The following MCTS1 variants were observed in gnomAD, a reference collection of about 807,000 sequenced individuals.
The protein encoded by MCTS1 is malignant T-cell-amplified sequence 1.
For synonymous variants in MCTS1, 26 were observed against 40.8 expected, an observed-to-expected ratio of 0.64 and a Z score of 1.38; for missense variants, 55 against 128.6, an observed-to-expected ratio of 0.43 and a Z score of 2.77.
chrX:120,607,331 A>T (rs1234609493), intron 3 of MCTS1, among the ~76,000 whole-genome samples: 4 of 111,918 alleles, frequency 3.6e-5, no homozygotes, highest in Non-Finnish European at 7.5e-5. Context: ...TGTTGAGAAG[A>T]TTACAATTCT....
At position 120,613,156 on chromosome X, in the gene MCTS1, C is replaced by G. The variant is rs147524042; in HGVS notation, c.*892C>G. Among the ~76,000 whole-genome samples, 499 of 110,147 alleles carry G rather than the reference C, an allele frequency of 4.5e-3. 2 individuals carry two copies. The highest frequency in any genetic ancestry group is 0.015 in the African/African-American group (468 of 30,266). On this transcript the variant is annotated 3_prime_UTR_variant, in exon 6 of 6. Transcript: ENST00000371317. ...GGCCAGACTGGTCTTGAACTCTTGG[C>G]CTCAAGTGATCCGTCCCCCTCTGCC...
chrX:120,609,086 ATCT>A (rs1366138319), intron 4 of MCTS1, among the ~76,000 whole-genome samples: 3 of 111,858 alleles, frequency 2.7e-5, no homozygotes, highest in Non-Finnish European at 3.8e-5. Context: ...ACAGGAGAAC[ATCT>A]TCTCCTTTAT....
rs1445346151 is a variant in MCTS1, at chrX:120,612,681, G to GTGTA, written c.*420_*421insATGT. Among the ~76,000 whole-genome samples the GTGTA allele has an allele frequency of 1.0e-3, 65 of 64,835 alleles. No homozygotes were observed. The highest frequency in any genetic ancestry group is 5.3e-3 in the African/African-American group (65 of 12,168). 56.3% of individuals were successfully genotyped at this position (64,835 alleles called of 115,157 possible). On this transcript the variant is annotated 3_prime_UTR_variant, in exon 6 of 6. Coordinates refer to ENST00000371317, the MANE Select transcript of MCTS1 (RefSeq NM_014060.3). Reference sequence around the variant, plus strand: ...TTCTCGTGTGTGTGTGTGTGTGTGTGTGTGTATGTGTGTGTGTGTGTGTGT... The same window carrying GTGTA: ...TTCTCGTGTGTGTGTGTGTGTGTGTGTGTATGTGTATGTGTGTGTGTGTGTGTGT...
Position 120,612,472 on chromosome X carries a change from G to A in MCTS1, c.*208G>A. ...AAACTTGGACATTAAAAGGTATCTG[G>A]TAAGTAAGCAAACTCATACAACTAA... On this transcript the variant is annotated 3_prime_UTR_variant, in exon 6 of 6. Transcript: ENST00000371317. 1 of 360,101 alleles carries A rather than the reference G, an allele frequency of 2.8e-6. No individual in the cohort carries two copies. Among genetic ancestry groups the A allele is most frequent in the Non-Finnish European group, 4.9e-6 (1 of 204,206 alleles). The allele number at this position is 360,101 out of a possible 1,213,427, so 29.7% of individuals were successfully genotyped here.
chrX:120,604,194 C>G lies in MCTS1; in HGVS notation c.-43C>G, dbSNP rs945567037. On this transcript the variant is annotated 5_prime_UTR_variant, in exon 1 of 6. Transcript: ENST00000371317. ...ACCCCTGCAAATTCAATTTCTTTCC[C>G]ATTCCGGGCCCTTCCCTATCGTCGC... 1 of 1,201,500 alleles carries G rather than the reference C, an allele frequency of 8.3e-7. No homozygotes were observed. Among genetic ancestry groups the G allele is most frequent in the African/African-American group, 1.8e-5 (1 of 56,365 alleles).
chrX:120,607,179 G>C (rs891078235), intron 3 of MCTS1, among the ~76,000 whole-genome samples: 1 of 110,618 alleles, frequency 9.0e-6, no homozygotes, highest in African/African-American at 3.3e-5. Context: ...CTGTTGTGGT[G>C]CCTGTATCCC....
rs1926521586 is a variant in MCTS1, at chrX:120,606,011, C to T, written c.165-68C>T. The T allele has an allele frequency of 6.4e-6, 4 of 625,885 alleles. 1 individual carries two copies. In the South Asian group the frequency reaches 1.1e-4, roughly 17 times the overall value. The allele number at this position is 625,885 out of a possible 1,213,427, so 51.6% of individuals were successfully genotyped here. A position where few individuals can be genotyped will look rare whatever the true frequency, so the allele number is the denominator to read the frequency against. ...TTAAGAAAGTTTATCACTGTATATGCGTGTTTTATATTGTGAATTTTTGAA... is the reference window on the plus strand; with the variant it reads ...TTAAGAAAGTTTATCACTGTATATGTGTGTTTTATATTGTGAATTTTTGAA... On this transcript the variant is annotated intron_variant, in intron 2 of 5. Transcript: ENST00000371317.
intron 4 of MCTS1, among the ~76,000 whole-genome samples, chrX:120,608,919 C>CAGAGCAATTGCTCTTTG (rs1442620209): frequency 1.8e-5 from 2 of 111,786 alleles, no homozygotes; most frequent in Admixed American, 1.9e-4. Context: ...TTGGGGGCCT[C>CAGAGCAATTGCTCTTTG]AGAGCACGTT....
intron 1 of MCTS1, chrX:120,604,497 G>C: frequency 1.9e-6 from 1 of 537,022 alleles, no homozygotes; most frequent in South Asian, 4.1e-5. Context: ...TTTCTCTTTT[G>C]CCCCCTCCCC....
rs1321092500 is a variant in MCTS1, at chrX:120,617,095, G to C, written c.*4831G>C. On this transcript the variant is annotated 3_prime_UTR_variant, in exon 6 of 6. Transcript: ENST00000371317. Reference sequence around the variant, plus strand: ...ACAGGCTAACGTTCAAAATATGGCAGACATCTTAATATCAATATATGCTAA... The same window carrying C: ...ACAGGCTAACGTTCAAAATATGGCACACATCTTAATATCAATATATGCTAA... 8.9e-6 allele frequency among the ~76,000 whole-genome samples: 1 copy of C among 112,382 alleles called. No individual in the cohort carries two copies. The highest frequency in any genetic ancestry group is 1.9e-5 in the Non-Finnish European group (1 of 53,299).
chrX:120,606,555 G>A (rs1169421932), intron 3 of MCTS1, among the ~76,000 whole-genome samples: 4 of 111,995 alleles, frequency 3.6e-5, no homozygotes, highest in Admixed American at 9.4e-5. Flanking sequence ...AGGCCAAGGC[G>A]GGTGGATCAC....
At position 120,612,446 on chromosome X, in the gene MCTS1, C is replaced by T; in HGVS notation, c.*182C>T. 4 of 393,429 alleles carry T rather than the reference C, an allele frequency of 1.0e-5. No homozygotes were observed. Among genetic ancestry groups the T allele is most frequent in the Non-Finnish European group, 1.8e-5 (4 of 224,147 alleles). 32.4% of individuals were successfully genotyped at this position (393,429 alleles called of 1,213,427 possible). On this transcript the variant is annotated 3_prime_UTR_variant, in exon 6 of 6. Coordinates refer to ENST00000371317, the MANE Select transcript of MCTS1 (RefSeq NM_014060.3). Reference sequence around the variant, plus strand: ...TTAAACTCAAGTTAAAATTGGGTAGCAAACTTGGACATTAAAAGGTATCTG... The same window carrying T: ...TTAAACTCAAGTTAAAATTGGGTAGTAAACTTGGACATTAAAAGGTATCTG...
Position 120,616,075 on chromosome X carries a change from CTTA to C in MCTS1, c.*3815_*3817del, listed in dbSNP as rs1473603823. Among the ~76,000 whole-genome samples the C allele has an allele frequency of 2.7e-5, 3 of 112,552 alleles. No individual in the cohort carries two copies. Among genetic ancestry groups the C allele is most frequent in the Admixed American group, 9.4e-5 (1 of 10,586 alleles). On this transcript the variant is annotated 3_prime_UTR_variant, in exon 6 of 6. Coordinates refer to ENST00000371317, the MANE Select transcript of MCTS1 (RefSeq NM_014060.3). ...GTGTTTCATTATAATAAATATGTCA[CTTA>C]TTAATAATGTAGCAATTATATATTA...
In MCTS1 at chrX:120,608,004, G is replaced by GT. The variant is rs769734221; in HGVS notation, c.263-220dup. Among the ~76,000 whole-genome samples the GT allele has an allele frequency of 4.4e-3, 494 of 111,179 alleles. 3 individuals carry two copies. The highest frequency in any genetic ancestry group is 0.015 in the African/African-American group (469 of 30,599). On this transcript the variant is annotated intron_variant, in intron 3 of 5. Coordinates refer to ENST00000371317, the MANE Select transcript of MCTS1 (RefSeq NM_014060.3). ...TCCAAGAGTTCAAGGTTATTGTGAG[G>GT]TATTGATTGCTCCACTGTACTCCAG...
At chrX:120,606,784 CAAA>C (rs763945946) in intron 3 of MCTS1, among the ~76,000 whole-genome samples, 2 of 38,514 alleles carry the variant, frequency 5.2e-5, no homozygotes, top group Non-Finnish European at 9.2e-5. Flanking sequence ...GACTTAGTCT[CAAA>C]AAAAAAAAAA....
intron 4 of MCTS1, among the ~76,000 whole-genome samples, chrX:120,610,570 G>A (rs781394512): frequency 2.9e-4 from 33 of 112,544 alleles, no homozygotes; most frequent in South Asian, 1.8e-3. Context: ...CCAAGACTGC[G>A]CCATTGCACT....
chrX:120,615,784 G>C lies in MCTS1; in HGVS notation c.*3520G>C, dbSNP rs986991038. Among the ~76,000 whole-genome samples, 18 of 111,483 alleles carry C rather than the reference G, an allele frequency of 1.6e-4. No homozygotes were observed. In the Admixed American group the frequency reaches 1.7e-3, roughly 11 times the overall value. Reference sequence around the variant, plus strand: ...TGTTATGGTGGTTTGGTAGTGGTCTGTTGGGAAGCTGCATTTTTCCTTTTC... The same window carrying C: ...TGTTATGGTGGTTTGGTAGTGGTCTCTTGGGAAGCTGCATTTTTCCTTTTC... On this transcript the variant is annotated 3_prime_UTR_variant, in exon 6 of 6. Coordinates refer to ENST00000371317, the MANE Select transcript of MCTS1 (RefSeq NM_014060.3).
rs192521725 is a variant in MCTS1, at chrX:120,607,833, T to C, written c.263-392T>C. On this transcript the variant is annotated intron_variant, in intron 3 of 5. Coordinates refer to ENST00000371317, the MANE Select transcript of MCTS1 (RefSeq NM_014060.3). ...AACCCCAGGTAACCACTGATCTTTT[T>C]AATCGTTTTTTTACTCTGCGTTTTT... Among the ~76,000 whole-genome samples the C allele has an allele frequency of 4.7e-3, 526 of 111,470 alleles. 3 individuals carry two copies. Among genetic ancestry groups the C allele is most frequent in the Non-Finnish European group, 7.9e-3 (419 of 53,089 alleles).
In MCTS1 at chrX:120,620,165, G is replaced by A. The variant is rs1926978378; in HGVS notation, c.*7901G>A. 9.1e-6 allele frequency among the ~76,000 whole-genome samples: 1 copy of A among 109,622 alleles called. No individual in the cohort carries two copies. The highest frequency in any genetic ancestry group is 1.9e-5 in the Non-Finnish European group (1 of 52,700). ...ATACTAAAAATACAAAAAATTAACCGGACGCAGTGGTGGGCGCCTGTAGTC... is the reference window on the plus strand; with the variant it reads ...ATACTAAAAATACAAAAAATTAACCAGACGCAGTGGTGGGCGCCTGTAGTC... On this transcript the variant is annotated 3_prime_UTR_variant, in exon 6 of 6. Transcript: ENST00000371317.
Sources: gnomAD v4.1 joint callset for allele counts (sites outside exome capture counted in the v4.1 genomes callset) on GRCh38, gnomAD v4.1.1 for gene constraint, MANE v1.5 for transcripts, NCBI Gene and HGNC (gene_info 2026-07-23, HGNC 2026-07-21) for gene names.